AFG2A: variants seen among roughly 807,000 people sequenced by gnomAD.
AFG2A encodes ATPase family gene 2 protein homolog A.
At chr4:123,084,105 A>G in the AFG2A span, among the ~76,000 whole-genome samples, 30 of 152,014 alleles carry the variant, frequency 2.0e-4, no homozygotes, top group Non-Finnish European at 4.3e-4. Flanking sequence ...AGGATGTCTT[A>G]GTTTTTTAAA....
chr4:122,982,788 C>G, the AFG2A span, among the ~76,000 whole-genome samples: 1 of 148,730 alleles, frequency 6.7e-6, no homozygotes, highest in Non-Finnish European at 1.5e-5. Flanking sequence ...ATATTAGTCT[C>G]TTATGATTGT....
chr4:123,090,813 G>A, the AFG2A span: 2 of 1,447,312 alleles, frequency 1.4e-6, no homozygotes, highest in South Asian at 2.8e-5. Context: ...TTCATTTAGA[G>A]GATATTGAAG....
the AFG2A span, among the ~76,000 whole-genome samples, chr4:123,026,109 G>GTA: frequency 2.2e-4 from 1 of 4,536 alleles, no homozygotes; most frequent in African/African-American, 2.8e-4. Context: ...ATGTGTATGT[G>GTA]TGTGTGTGTG....
chr4:122,999,421 C>T, the AFG2A span, among the ~76,000 whole-genome samples: 1 of 151,936 alleles, frequency 6.6e-6, no homozygotes, highest in Non-Finnish European at 1.5e-5. Flanking sequence ...AGGTTTTCTT[C>T]TAGGGTTTTT....
At chr4:122,923,852 G>A in the AFG2A span, among the ~76,000 whole-genome samples, 2 of 152,134 alleles carry the variant, frequency 1.3e-5, no homozygotes, top group South Asian at 4.1e-4. Context: ...TTTTATAGAG[G>A]GAGGAAAGTT....
the AFG2A span, among the ~76,000 whole-genome samples, chr4:123,229,607 G>A: frequency 2.0e-5 from 3 of 151,972 alleles, no homozygotes; most frequent in African/African-American, 7.2e-5. Context: ...TACTTACATG[G>A]AATATACAAA....
the AFG2A span, among the ~76,000 whole-genome samples, chr4:123,051,086 A>G: frequency 6.6e-6 from 1 of 151,826 alleles, no homozygotes; most frequent in East Asian, 1.9e-4. Flanking sequence ...GTCTATTTAC[A>G]TTCAATTTTA....
chr4:123,157,339 T>C, the AFG2A span, among the ~76,000 whole-genome samples: 1 of 152,016 alleles, frequency 6.6e-6, no homozygotes, highest in African/African-American at 2.4e-5. Context: ...AAGCTTTTAT[T>C]CATCATAACC....
the AFG2A span, among the ~76,000 whole-genome samples, chr4:123,276,658 A>G: frequency 6.6e-6 from 1 of 152,126 alleles, no homozygotes; most frequent in East Asian, 1.9e-4. Flanking sequence ...TGATTTTTGT[A>G]TATGATGTAA....
the AFG2A span, among the ~76,000 whole-genome samples, chr4:123,087,692 G>A: frequency 1.1e-4 from 16 of 152,126 alleles, no homozygotes; most frequent in African/African-American, 3.9e-4. Context: ...ATTTCCAGTT[G>A]TCCTACCCTG....
chr4:122,950,568 G>GAC, the AFG2A span, among the ~76,000 whole-genome samples: 4 of 152,170 alleles, frequency 2.6e-5, no homozygotes, highest in Non-Finnish European at 4.4e-5. Context: ...TCAAACTCCT[G>GAC]ACCTCAGGTG....
At chr4:122,935,310 A>G in the AFG2A span, among the ~76,000 whole-genome samples, 1 of 152,126 alleles carries the variant, frequency 6.6e-6, no homozygotes, top group Non-Finnish European at 1.5e-5. Flanking sequence ...TTTTGCTCAT[A>G]CTTATGTACC....
At chr4:123,016,681 G>A in the AFG2A span, among the ~76,000 whole-genome samples, 3 of 151,878 alleles carry the variant, frequency 2.0e-5, no homozygotes, top group Admixed American at 1.3e-4. Flanking sequence ...CAGACGATGG[G>A]CGGCCAGGCA....
chr4:123,302,663 C>G, the AFG2A span, among the ~76,000 whole-genome samples: 1 of 151,906 alleles, frequency 6.6e-6, no homozygotes, highest in South Asian at 2.1e-4. Flanking sequence ...AGAGCAGGAC[C>G]AAGGCTGCAG....
chr4:123,127,725 T>C, the AFG2A span, among the ~76,000 whole-genome samples: 2 of 152,182 alleles, frequency 1.3e-5, no homozygotes, highest in East Asian at 1.9e-4. Flanking sequence ...TTCAAAAATA[T>C]TAACTTTTAT....
At chr4:123,196,996 A>G in the AFG2A span, among the ~76,000 whole-genome samples, 80,223 of 152,078 alleles carry the variant, frequency 0.53, 24,397 homozygotes, top group Non-Finnish European at 0.67. Flanking sequence ...TTTTAAAAGA[A>G]TAAATATCCT....
the AFG2A span, among the ~76,000 whole-genome samples, chr4:123,009,935 A>G: frequency 6.6e-6 from 1 of 152,152 alleles, no homozygotes; most frequent in African/African-American, 2.4e-5. Flanking sequence ...TTCTTATCTG[A>G]TAACTTTTAA....
the AFG2A span, among the ~76,000 whole-genome samples, chr4:123,063,316 T>C: frequency 6.6e-6 from 1 of 152,210 alleles, no homozygotes; most frequent in Non-Finnish European, 1.5e-5. Context: ...AAAAATTTCA[T>C]AAATTAGGAG....
At chr4:123,057,762 C>A in the AFG2A span, among the ~76,000 whole-genome samples, 4 of 152,186 alleles carry the variant, frequency 2.6e-5, no homozygotes, top group East Asian at 7.7e-4. Context: ...GCTCCAAAAT[C>A]TCAGGCAGTA....
Sources: gnomAD v4.1 joint callset for allele counts (sites outside exome capture counted in the v4.1 genomes callset) on GRCh38, gnomAD v4.1.1 for gene constraint, MANE v1.5 for transcripts, NCBI Gene and HGNC (gene_info 2026-07-23, HGNC 2026-07-21) for gene names.